WNK2: variants seen among roughly 807,000 people sequenced by gnomAD.
WNK2 encodes serine/threonine-protein kinase WNK2.
WNK2 carries 67 observed loss-of-function variants against 192.1 expected under a neutral mutation model. The ratio of observed to expected loss-of-function variants is 0.35; its 90% confidence interval spans 0.29 to 0.43. The LOEUF (loss-of-function observed/expected upper bound fraction) is 0.43. Among genes scored for constraint, WNK2 ranks in the 20% least tolerant of loss-of-function variants. The pLI, the probability that WNK2 is intolerant of heterozygous loss-of-function variation, is 1.00. For missense variants in WNK2, 2,698 were observed against 3,089.7 expected, an observed-to-expected ratio of 0.87 and a Z score of 3.01; for synonymous variants, 1,439 against 1,393.9, an observed-to-expected ratio of 1.03 and a Z score of -0.72.
intron 2 of WNK2, among the ~76,000 whole-genome samples, chr9:93,219,968 C>T (rs1171801744): frequency 6.6e-6 from 1 of 152,224 alleles, no homozygotes; most frequent in African/African-American, 2.4e-5. Flanking sequence ...GGGACATCAC[C>T]TGGTGTTGGA....
At position 93,317,633 on chromosome 9, in the gene WNK2, T is replaced by C. The variant is rs747402954; in HGVS notation, c.6628+2T>C. The C allele has an allele frequency of 5.6e-6, 9 of 1,612,376 alleles. No homozygotes were observed. The African/African-American group carries it at 1.2e-4, about 22-fold the overall frequency. On this transcript the variant is annotated splice_donor_variant, in intron 29 of 29. Transcript: ENST00000427277. LOFTEE classifies it high-confidence loss of function. ...CGACCCTGTCCGTGCCCACACCAGG[T>C]ACTGCCCTCTCCAACCTCCCAACCC...
chr9:93,230,374 G>A (rs1445686632), intron 3 of WNK2, among the ~76,000 whole-genome samples: 1 of 152,144 alleles, frequency 6.6e-6, no homozygotes, highest in Non-Finnish European at 1.5e-5. Context: ...TTCCGTCATA[G>A]GTGGATGCGC....
intron 19 of WNK2, among the ~76,000 whole-genome samples, chr9:93,283,905 T>C (rs1243278046): frequency 6.6e-6 from 1 of 152,172 alleles, no homozygotes; most frequent in Non-Finnish European, 1.5e-5. Context: ...AGCAAATGGA[T>C]GCTGCATAGT....
chr9:93,292,755 A>G lies in WNK2; in HGVS notation c.5290A>G (p.Ser1764Gly), dbSNP rs1033038994. 9.0e-6 allele frequency: 14 copies of G among 1,562,594 alleles called. No homozygotes were observed. In the African/African-American group the frequency reaches 1.5e-4, roughly 17 times the overall value. The part of the protein sequence containing the change: ...QDEWTLASPH[S>G]LRYSAPPDVY... The stretch of plus-strand genomic sequence containing the variant: ...CGAGTGGACCCTGGCCTCCCCCCAC[A>G]GCCTGAGATACTCTGCCCCACCCGA... Residue 1764 changes from serine (S) to glycine (G), a missense_variant, in exon 23 of 30, where the codon AGC (serine) becomes GGC (glycine). Physicochemically the swap from Ser to Gly is moderately conservative, Grantham distance 56 (BLOSUM62 0). This residue lies in a region of WNK2 where 1,098 missense variants were observed against 1,101.0 expected (regional missense o/e 1.00). Coordinates refer to ENST00000427277, the MANE Select transcript of WNK2 (RefSeq NM_006648.4).
chr9:93,247,433 C>A lies in WNK2; in HGVS notation c.1543-110C>A. Reference sequence around the variant, plus strand: ...TTTACATTCAGTGGCAGTGGGATGGCGAGCGTGTCCTGCGTGGATGAGCCA... The same window carrying A: ...TTTACATTCAGTGGCAGTGGGATGGAGAGCGTGTCCTGCGTGGATGAGCCA... On this transcript the variant is annotated intron_variant, in intron 7 of 29. Transcript: ENST00000427277. This position sits in a 1 kb window ranked among gnomAD's most constrained non-coding sequence, Gnocchi z 5.2. The A allele has an allele frequency of 2.4e-6, 3 of 1,261,370 alleles. No individual in the cohort carries two copies. The highest frequency in any genetic ancestry group is 2.2e-6 in the Non-Finnish European group (2 of 900,506). 78.1% of individuals were successfully genotyped at this position (1,261,370 alleles called of 1,614,324 possible). A position where few individuals can be genotyped will look rare whatever the true frequency, so the allele number is the denominator to read the frequency against.
chr9:93,253,345 G>A (rs553959902), intron 9 of WNK2, among the ~76,000 whole-genome samples: 1 of 151,678 alleles, frequency 6.6e-6, no homozygotes, highest in South Asian at 2.1e-4. Context: ...CTACTAGATA[G>A]GAAAGACACC....
At chr9:93,197,325 G>A (rs1245660792) in intron 2 of WNK2, among the ~76,000 whole-genome samples, 1 of 152,200 alleles carries the variant, frequency 6.6e-6, no homozygotes, top group Admixed American at 6.5e-5. Context: ...CACTCAGTGA[G>A]GTCTCAGATG....
Position 93,204,779 on chromosome 9 carries a change from G to C in WNK2, c.681+19169G>C, listed in dbSNP as rs1447729621. Among the ~76,000 whole-genome samples the C allele has an allele frequency of 9.9e-5, 15 of 152,148 alleles. 1 individual carries two copies. Among genetic ancestry groups the C allele is most frequent in the Non-Finnish European group, 1.0e-4 (7 of 68,004 alleles). On this transcript the variant is annotated intron_variant, in intron 2 of 29. Transcript: ENST00000427277. Reference sequence around the variant, plus strand: ...GGCTCAGGGAGGCTCAGAAAGTGAGGGATGCCCGAGGACACCAGGGAGGAA... The same window carrying C: ...GGCTCAGGGAGGCTCAGAAAGTGAGCGATGCCCGAGGACACCAGGGAGGAA...
At chr9:93,267,957 A>C in intron 17 of WNK2, 41 bp downstream of exon 17, 2 of 1,608,734 alleles carry the variant, frequency 1.2e-6, no homozygotes, top group Non-Finnish European at 1.7e-6. Context: ...GTGAGAGTGC[A>C]GTGGCTGGGC....
intron 2 of WNK2, among the ~76,000 whole-genome samples, chr9:93,201,226 ACTGT>A (rs930143083): frequency 3.3e-5 from 5 of 152,026 alleles, no homozygotes; most frequent in Non-Finnish European, 5.9e-5. Flanking sequence ...AGTGCGTTTC[ACTGT>A]CTGCTTATCT....
intron 2 of WNK2, among the ~76,000 whole-genome samples, chr9:93,201,329 G>T (rs1290202754): frequency 1.3e-5 from 2 of 152,256 alleles, no homozygotes; most frequent in Non-Finnish European, 1.5e-5. Flanking sequence ...AGGAGCAGGG[G>T]GAGTGGGGAT....
At chr9:93,313,450 C>T (rs1395053177) in intron 28 of WNK2, among the ~76,000 whole-genome samples, 1 of 148,538 alleles carries the variant, frequency 6.7e-6, no homozygotes, top group Non-Finnish European at 1.5e-5. Flanking sequence ...TCTTGTATCT[C>T]CTTCACATAA....
Position 93,256,459 on chromosome 9 carries a change from G to A in WNK2, c.2190+5G>A. On this transcript the variant is annotated splice_donor_5th_base_variant and intron_variant, in intron 10 of 29. Transcript: ENST00000427277. ...CCAGCACCCCCCGGCCAGCAGGTGA[G>A]TGTGGCACCTCCTGTGGCCACTGTC... 1 of 1,518,950 alleles carries A rather than the reference G, an allele frequency of 6.6e-7. No homozygotes were observed. Among genetic ancestry groups the A allele is most frequent in the Non-Finnish European group, 8.8e-7 (1 of 1,136,530 alleles). 94.1% of individuals were successfully genotyped at this position (1,518,950 alleles called of 1,614,324 possible).
intron 28 of WNK2, chr9:93,308,834 C>T: frequency 7.2e-7 from 1 of 1,389,802 alleles, no homozygotes; most frequent in Non-Finnish European, 9.3e-7. Flanking sequence ...AGGGCTGTGA[C>T]TCCACAGCTC....
chr9:93,263,382 C>A, intron 14 of WNK2, 184 bp from the exon 15 acceptor site: 1 of 697,702 alleles, frequency 1.4e-6, no homozygotes, highest in South Asian at 1.8e-5. Context: ...CACTTGGGTG[C>A]AGCAGGGAGC....
chr9:93,248,008 C>T (rs1419350685), intron 8 of WNK2, among the ~76,000 whole-genome samples, 174 bp downstream of exon 8: 5 of 152,256 alleles, frequency 3.3e-5, no homozygotes, highest in Admixed American at 6.5e-5. Flanking sequence ...GCTGTCCTCA[C>T]GTAGCGTGGG....
At chr9:93,315,222 T>C (rs1159358048) in intron 28 of WNK2, among the ~76,000 whole-genome samples, 4 of 152,226 alleles carry the variant, frequency 2.6e-5, no homozygotes, top group Non-Finnish European at 5.9e-5. Context: ...CTGCGCCTGA[T>C]GTGGGCGCAA....
At chr9:93,236,615 C>A (rs1325188604) in intron 5 of WNK2, among the ~76,000 whole-genome samples, 1 of 152,264 alleles carries the variant, frequency 6.6e-6, no homozygotes, top group Non-Finnish European at 1.5e-5. Context: ...CCCCGCCCTG[C>A]TGCTTCTGAG....
At position 93,185,244 on chromosome 9, in the gene WNK2, G is replaced by A. The variant is rs1039806753; in HGVS notation, c.315G>A (p.Pro105=). 4.1e-6 allele frequency: 5 copies of A among 1,228,312 alleles called. No individual in the cohort carries two copies. The African/African-American group carries it at 4.8e-5, about 12-fold the overall frequency. The allele number at this position is 1,228,312 out of a possible 1,614,324, so 76.1% of individuals were successfully genotyped here. Residue 105 remains proline (P), a synonymous_variant, in exon 2 of 30, where the codon CCG becomes CCA. Coordinates refer to ENST00000427277, the MANE Select transcript of WNK2 (RefSeq NM_006648.4). ...APAPAALVAQ[P]GAPGAPADAG... Reference sequence around the variant, plus strand: ...CGCCCGCAGCGCTGGTAGCGCAGCCGGGAGCCCCCGGAGCCCCCGCGGACG... The same window carrying A: ...CGCCCGCAGCGCTGGTAGCGCAGCCAGGAGCCCCCGGAGCCCCCGCGGACG...
Sources: allele counts gnomAD v4.1 joint callset (sites outside exome capture counted in the v4.1 genomes callset), GRCh38; gene constraint gnomAD v4.1.1; regional missense constraint gnomAD v4.1.1; non-coding constraint Gnocchi (gnomAD v3.1); transcripts MANE v1.5; gene names NCBI Gene and HGNC (gene_info 2026-07-23, HGNC 2026-07-21).